Variants in TBC1D1 observed in about 807,000 individuals in gnomAD.
The protein encoded by TBC1D1 is TBC1 (tre-2/USP6, BUB2, cdc16) domain family, member 1.
In TBC1D1, 89 loss-of-function variants were observed where a neutral mutation model predicts 125.6. The observed-to-expected ratio is 0.71, with a 90% confidence interval of 0.60 to 0.85. TBC1D1 has a LOEUF of 0.85. Ranked by LOEUF, TBC1D1 falls within the 40% of genes least tolerant of loss-of-function variation. TBC1D1 has a pLI of 0.00. For synonymous variants in TBC1D1, 565 were observed against 564.1 expected, an observed-to-expected ratio of 1.00 and a Z score of -0.02; for missense variants, 1,377 against 1,469.2, an observed-to-expected ratio of 0.94 and a Z score of 1.03.
chr4:38,021,964 A>T (rs1399454419), intron 6 of TBC1D1, among the ~76,000 whole-genome samples: 1 of 152,178 alleles, frequency 6.6e-6, no homozygotes, highest in African/African-American at 2.4e-5. Flanking sequence ...TATTCTGAGG[A>T]TGGAGGAGGA....
At chr4:38,007,939 C>G (rs1410272902) in intron 2 of TBC1D1, among the ~76,000 whole-genome samples, 1 of 152,176 alleles carries the variant, frequency 6.6e-6, no homozygotes, top group African/African-American at 2.4e-5. Context: ...CTCTGGCTGC[C>G]CGTTAGAACA....
At chr4:37,920,189 C>G (rs1171902978) in intron 2 of TBC1D1, among the ~76,000 whole-genome samples, 2 of 152,120 alleles carry the variant, frequency 1.3e-5, no homozygotes, top group Non-Finnish European at 2.9e-5. Context: ...TACAAAAACC[C>G]AACAAAAAGC....
At chr4:37,907,948 C>T (rs758565562) in intron 2 of TBC1D1, among the ~76,000 whole-genome samples, 5 of 152,152 alleles carry the variant, frequency 3.3e-5, no homozygotes, top group Non-Finnish European at 5.9e-5. Context: ...TCTTTATCCA[C>T]GGAGGAAAAA....
At chr4:38,031,940 G>A (rs1746229993) in intron 7 of TBC1D1, among the ~76,000 whole-genome samples, 2 of 152,196 alleles carry the variant, frequency 1.3e-5, no homozygotes. Flanking sequence ...CATGCATATA[G>A]AAAAGCAAAC....
At chr4:37,922,147 G>T (rs977024638) in intron 2 of TBC1D1, among the ~76,000 whole-genome samples, 9 of 151,874 alleles carry the variant, frequency 5.9e-5, no homozygotes, top group Non-Finnish European at 1.3e-4. Context: ...CAACTAATTT[G>T]CATGGTTCTT....
chr4:38,118,062 T>TCATGAAGC lies in TBC1D1; in HGVS notation c.2837_2838insAGCCATGA (p.Asp946GlufsTer41). The TCATGAAGC allele has an allele frequency of 3.1e-6, 5 of 1,614,212 alleles. No individual in the cohort carries two copies. Among genetic ancestry groups the TCATGAAGC allele is most frequent in the Non-Finnish European group, 4.2e-6 (5 of 1,180,018 alleles). ...AGATGTACCAGCTCTCGAGGTTGCT[T>TCATGAAGC]CATGATTACCACAGAGACCTCTACA... is the stretch of plus-strand genomic sequence containing the variant. On this transcript the variant is annotated frameshift_variant, in exon 17 of 20. Coordinates refer to ENST00000261439, the MANE Select transcript of TBC1D1 (RefSeq NM_015173.4). LOFTEE classifies it high-confidence loss of function.
intron 18 of TBC1D1, 100 bp from the exon 21 acceptor site, chr4:38,132,984 G>T: frequency 1.0e-6 from 1 of 971,562 alleles, no homozygotes. Flanking sequence ...GCGTAGAGGA[G>T]ACGCTTCACA....
At chr4:38,006,759 G>A (rs542371713) in intron 2 of TBC1D1, 52 of 451,280 alleles carry the variant, frequency 1.2e-4, no homozygotes, top group Non-Finnish European at 1.5e-4. Context: ...GATTACAGGC[G>A]TGAGCCACTG....
Position 37,915,061 on chromosome 4 carries a change from T to C in TBC1D1, c.417+12549T>C, listed in dbSNP as rs1052687249. ...TAACCACCTACTTACCTGCCTGAGCTCTAAGAGAGCAACGCTCTTGCCTGT... is the reference window on the plus strand; with the variant it reads ...TAACCACCTACTTACCTGCCTGAGCCCTAAGAGAGCAACGCTCTTGCCTGT... On this transcript the variant is annotated intron_variant, in intron 2 of 19. Transcript: ENST00000261439. Among the ~76,000 whole-genome samples, 4 of 152,220 alleles carry C rather than the reference T, an allele frequency of 2.6e-5. No individual in the cohort carries two copies. In the South Asian group the frequency reaches 8.3e-4, roughly 31 times the overall value.
At chr4:38,083,202 T>A (rs183358282) in intron 12 of TBC1D1, among the ~76,000 whole-genome samples, 1 of 152,186 alleles carries the variant, frequency 6.6e-6, no homozygotes, top group African/African-American at 2.4e-5. Context: ...TGCTAAAGAA[T>A]GTATATATGA....
At chr4:37,933,895 G>C (rs1248156823) in intron 2 of TBC1D1, among the ~76,000 whole-genome samples, 1 of 152,208 alleles carries the variant, frequency 6.6e-6, no homozygotes, top group African/African-American at 2.4e-5. Flanking sequence ...CTTTCAAGCA[G>C]AGCGTCAGTC....
chr4:38,088,574 GT>G (rs1376395461), intron 12 of TBC1D1, among the ~76,000 whole-genome samples: 6 of 152,164 alleles, frequency 3.9e-5, no homozygotes, highest in Non-Finnish European at 8.8e-5. Context: ...AGGGCTTACA[GT>G]TGAGTAGCTG....
intron 18 of TBC1D1, among the ~76,000 whole-genome samples, chr4:38,129,291 G>A (rs1765180945): frequency 6.6e-6 from 1 of 152,210 alleles, no homozygotes; most frequent in African/African-American, 2.4e-5. Flanking sequence ...TGCCTCTTCT[G>A]CCTGTGGGGG....
intron 19 of TBC1D1, among the ~76,000 whole-genome samples, chr4:38,134,207 G>C (rs1248564253): frequency 6.6e-6 from 1 of 152,148 alleles, no homozygotes; most frequent in Non-Finnish European, 1.5e-5. Flanking sequence ...TTCATAGAAA[G>C]ATGAGCTTTG....
At chr4:38,018,813 C>G (rs1743374447) in intron 4 of TBC1D1, among the ~76,000 whole-genome samples, 1 of 152,010 alleles carries the variant, frequency 6.6e-6, no homozygotes, top group South Asian at 2.1e-4. Flanking sequence ...TATATTTCTA[C>G]TTTACAAAAA....
At chr4:38,125,224 T>C (rs1358207325) in intron 18 of TBC1D1, 93 bp downstream of exon 20, 5 of 1,305,268 alleles carry the variant, frequency 3.8e-6, no homozygotes, top group African/African-American at 1.5e-5. Context: ...TCCTACCACT[T>C]TGTGTTCTGA....
chr4:37,904,970 T>C (rs1577773032), intron 2 of TBC1D1, among the ~76,000 whole-genome samples: 1 of 152,224 alleles, frequency 6.6e-6, no homozygotes, highest in Non-Finnish European at 1.5e-5. Context: ...ATTCTCCAGG[T>C]TAAGGCCTCT....
intron 17 of TBC1D1, chr4:38,119,819 T>C: frequency 3.8e-6 from 1 of 264,004 alleles, no homozygotes; most frequent in Non-Finnish European, 5.9e-6. Context: ...AATTACTTGG[T>C]TAGTGAAGAA....
rs1184474865 is a variant in TBC1D1, at chr4:38,014,364, CGTGGGCTCCTCCTCCA to C, written c.418-125_418-110del. On this transcript the variant is annotated intron_variant, in intron 2 of 19. Transcript: ENST00000261439. The surrounding 1 kb of genome is among the most constrained non-coding windows in gnomAD (Gnocchi z 5.1). ...TGGGAAGACATTCCTAGTCCCCTCC[CGTGGGCTCCTCCTCCA>C]GTGGGCTCCTCCTCCAGTGCTCCGC... The C allele has an allele frequency of 5.6e-5, 39 of 692,090 alleles. No individual in the cohort carries two copies. The highest frequency in any genetic ancestry group is 1.4e-4 in the African/African-American group (8 of 56,132). The allele number at this position is 692,090 out of a possible 1,614,324, so 42.9% of individuals were successfully genotyped here. A position where few individuals can be genotyped will look rare whatever the true frequency, so the allele number is the denominator to read the frequency against.
Sources: allele counts gnomAD v4.1 joint callset (sites outside exome capture counted in the v4.1 genomes callset), GRCh38; gene constraint gnomAD v4.1.1; non-coding constraint Gnocchi (gnomAD v3.1); transcripts MANE v1.5; gene names NCBI Gene and HGNC (gene_info 2026-07-23, HGNC 2026-07-21).